Variants in REC114 observed in about 807,000 individuals in gnomAD.
REC114 encodes the protein meiotic recombination protein REC114.
REC114 carries 27 observed loss-of-function variants against 31.3 expected under a neutral mutation model. The ratio of observed to expected loss-of-function variants is 0.86; its 90% confidence interval spans 0.64 to 1.19. REC114 has a LOEUF of 1.19. Among genes scored for constraint, REC114 ranks in the 50% most tolerant of loss-of-function variants. The probability of loss-of-function intolerance (pLI) is 0.00; values close to 1 mark genes in which losing one functional copy is unlikely to be tolerated. For missense variants in REC114, 344 were observed against 326.9 expected (o/e 1.05, Z -0.40); for synonymous variants, 134 against 127.7 (o/e 1.05, Z -0.33).
At chr15:73,462,910 A>G (rs1385916637) in intron 1 of REC114, among the ~76,000 whole-genome samples, 1 of 148,410 alleles carries the variant, frequency 6.7e-6, no homozygotes, top group Admixed American at 6.7e-5. Flanking sequence ...AAAAAAAATT[A>G]CCACTTACAG....
chr15:73,460,481 A>G (rs1892975164), intron 1 of REC114, among the ~76,000 whole-genome samples: 1 of 152,204 alleles, frequency 6.6e-6, no homozygotes, highest in African/African-American at 2.4e-5. Flanking sequence ...TTCACAAATG[A>G]CAGCACTGTA....
At chr15:73,445,208 A>C (rs141947290) in intron 1 of REC114, among the ~76,000 whole-genome samples, 30 of 152,348 alleles carry the variant, frequency 2.0e-4, no homozygotes, top group Middle Eastern at 3.4e-3. Context: ...TGCAAGAGTC[A>C]GCCTGCCCTT....
intron 2 of REC114, among the ~76,000 whole-genome samples, chr15:73,538,369 ATAT>A (rs1894188464): frequency 6.6e-6 from 1 of 152,076 alleles, no homozygotes; most frequent in Non-Finnish European, 1.5e-5. Context: ...GCTAAATAAA[ATAT>A]TAAAACCAAT....
intron 2 of REC114, among the ~76,000 whole-genome samples, chr15:73,502,244 A>G (rs762705962): frequency 9.2e-5 from 14 of 152,184 alleles, no homozygotes; most frequent in Non-Finnish European, 2.1e-4. Context: ...ATTGTTAAAT[A>G]ACACATCTTA....
At chr15:73,522,382 G>A (rs1374671568) in intron 2 of REC114, among the ~76,000 whole-genome samples, 1 of 152,130 alleles carries the variant, frequency 6.6e-6, no homozygotes, top group African/African-American at 2.4e-5. Context: ...TGCAACGAAA[G>A]GCATCTGGGT....
At chr15:73,463,482 A>G (rs1893017150) in intron 1 of REC114, among the ~76,000 whole-genome samples, 1 of 152,356 alleles carries the variant, frequency 6.6e-6, no homozygotes, top group East Asian at 1.9e-4. Flanking sequence ...TTTTTATAGC[A>G]GAGCTAGGAT....
chr15:73,493,579 GA>G (rs533505005), intron 2 of REC114, among the ~76,000 whole-genome samples: 74 of 152,156 alleles, frequency 4.9e-4, no homozygotes, highest in African/African-American at 1.7e-3. Flanking sequence ...CCTGAGGGTG[GA>G]TTCATCTGCA....
At position 73,448,547 on chromosome 15, in the gene REC114, A is replaced by T. The variant is rs1892800027; in HGVS notation, c.159+5203A>T. 3.3e-5 allele frequency among the ~76,000 whole-genome samples: 5 copies of T among 152,166 alleles called. No individual in the cohort carries two copies. In the South Asian group the frequency reaches 8.3e-4, roughly 25 times the overall value. ...CATCTCCCTGGGACAGAGCACCTGG[A>T]GGAAGGGGTGGCTGTGGGCACAGCT... On this transcript the variant is annotated intron_variant, in intron 1 of 5. Transcript: ENST00000331090.
intron 4 of REC114, among the ~76,000 whole-genome samples, chr15:73,552,285 A>G (rs1324936464): frequency 2.0e-5 from 3 of 152,220 alleles, no homozygotes; most frequent in Admixed American, 6.5e-5. Flanking sequence ...GTGTGAGGCC[A>G]GATTTTCTTC....
chr15:73,548,990 A>C (rs1255699883), intron 3 of REC114, among the ~76,000 whole-genome samples: 1 of 152,168 alleles, frequency 6.6e-6, no homozygotes, highest in African/African-American at 2.4e-5. Context: ...GAACACATGA[A>C]TACATAGAGG....
chr15:73,473,953 A>G, intron 2 of REC114, 32 bp downstream of exon 2: 1 of 1,327,720 alleles, frequency 7.5e-7, no homozygotes, highest in Non-Finnish European at 1.1e-6. Flanking sequence ...TTAATATGGA[A>G]ATACATCTTT....
At chr15:73,476,200 A>G (rs1455095784) in intron 2 of REC114, among the ~76,000 whole-genome samples, 2 of 152,222 alleles carry the variant, frequency 1.3e-5, no homozygotes, top group Non-Finnish European at 2.9e-5. Context: ...TAACTTAAAT[A>G]TTGTAATTTG....
At chr15:73,475,010 G>C (rs887728543) in intron 2 of REC114, among the ~76,000 whole-genome samples, 2 of 152,226 alleles carry the variant, frequency 1.3e-5, no homozygotes, top group African/African-American at 4.8e-5. Flanking sequence ...AGTTGCAAGA[G>C]ATAAAGGTTT....
chr15:73,476,247 T>C (rs1893213527), intron 2 of REC114, among the ~76,000 whole-genome samples: 1 of 152,190 alleles, frequency 6.6e-6, no homozygotes, highest in Non-Finnish European at 1.5e-5. Flanking sequence ...AAAATCACTT[T>C]TATTGAGGTA....
chr15:73,524,500 A>G (rs562963950), intron 2 of REC114, among the ~76,000 whole-genome samples: 1 of 152,216 alleles, frequency 6.6e-6, no homozygotes, highest in Non-Finnish European at 1.5e-5. Context: ...AGCTTACACA[A>G]TTCTGACTGA....
chr15:73,449,845 A>G (rs1892819043), intron 1 of REC114, among the ~76,000 whole-genome samples: 1 of 152,242 alleles, frequency 6.6e-6, no homozygotes, highest in Non-Finnish European at 1.5e-5. Flanking sequence ...GCCAGTATTC[A>G]ATATTCTTAA....
intron 2 of REC114, among the ~76,000 whole-genome samples, chr15:73,490,525 A>G (rs1187420750): frequency 2.6e-5 from 4 of 152,092 alleles, no homozygotes; most frequent in Non-Finnish European, 1.5e-5. Context: ...ACCTGGCAAC[A>G]TAATGAGACC....
chr15:73,509,007 G>A (rs1893724413), intron 2 of REC114, among the ~76,000 whole-genome samples: 1 of 150,994 alleles, frequency 6.6e-6, no homozygotes, highest in Non-Finnish European at 1.5e-5. Flanking sequence ...CTAGATCCCT[G>A]AGGAATCGCC....
At chr15:73,558,303 T>C (rs1165991260) in intron 5 of REC114, among the ~76,000 whole-genome samples, 1 of 152,192 alleles carries the variant, frequency 6.6e-6, no homozygotes, top group Non-Finnish European at 1.5e-5. Context: ...TAAAACCACC[T>C]ACCTCACAGA....
Sources: gnomAD v4.1 joint callset for allele counts (sites outside exome capture counted in the v4.1 genomes callset) on GRCh38, gnomAD v4.1.1 for gene constraint, MANE v1.5 for transcripts, NCBI Gene and HGNC (gene_info 2026-07-23, HGNC 2026-07-21) for gene names.